The following DGKB variants were observed in gnomAD, a reference collection of about 807,000 sequenced individuals.
The protein encoded by DGKB is 90 kDa diacylglycerol kinase.
A neutral mutation model predicts 114.3 loss-of-function variants in DGKB; 67 were observed. The observed-to-expected ratio is 0.59, with a 90% CI of 0.48 to 0.72. The LOEUF is 0.72. Among genes scored for constraint, DGKB ranks in the 30% least tolerant of loss-of-function variants. The probability of loss-of-function intolerance (pLI) is 0.00; values close to 1 mark genes in which losing one functional copy is unlikely to be tolerated. For missense variants in DGKB, 907 were observed against 975.2 expected, an observed-to-expected ratio of 0.93 and a Z score of 0.93; for synonymous variants, 398 against 323.1, an observed-to-expected ratio of 1.23 and a Z score of -2.49.
intron 4 of DGKB, among the ~76,000 whole-genome samples, chr7:14,740,780 G>A (rs890817814): frequency 6.6e-6 from 1 of 152,172 alleles, no homozygotes; most frequent in African/African-American, 2.4e-5. Flanking sequence ...ACGGGGAAGT[G>A]CGGATAATCC....
intron 23 of DGKB, among the ~76,000 whole-genome samples, chr7:14,283,220 C>T (rs1005223458): frequency 6.6e-6 from 1 of 151,592 alleles, no homozygotes; most frequent in African/African-American, 2.4e-5. Flanking sequence ...ACACCAACCA[C>T]AGACAAACAG....
chr7:14,412,531 G>A (rs950712419), intron 21 of DGKB, among the ~76,000 whole-genome samples: 2 of 152,170 alleles, frequency 1.3e-5, no homozygotes, highest in African/African-American at 2.4e-5. Flanking sequence ...TTTAATAGAT[G>A]AGCCTGAGGC....
intron 21 of DGKB, among the ~76,000 whole-genome samples, chr7:14,415,586 CA>C (rs1454184205): frequency 6.6e-6 from 1 of 151,984 alleles, no homozygotes; most frequent in African/African-American, 2.4e-5. Context: ...CATGTCCCTA[CA>C]AAGGACATGA....
At chr7:14,444,121 G>C (rs372482183) in intron 21 of DGKB, among the ~76,000 whole-genome samples, 15 of 151,668 alleles carry the variant, frequency 9.9e-5, no homozygotes, top group African/African-American at 3.4e-4. Context: ...AAATAAATTG[G>C]TTTTGTAAAC....
intron 23 of DGKB, among the ~76,000 whole-genome samples, chr7:14,246,873 C>T (rs1794557935): frequency 6.6e-6 from 1 of 152,088 alleles, no homozygotes; most frequent in South Asian, 2.1e-4. Flanking sequence ...ATTAACTATA[C>T]TGCTGTATAT....
intron 5 of DGKB, among the ~76,000 whole-genome samples, chr7:14,719,172 T>C (rs1289389680): frequency 6.6e-6 from 1 of 152,212 alleles, no homozygotes; most frequent in Non-Finnish European, 1.5e-5. Context: ...TATTTGCCAA[T>C]ACCATGAAGA....
intron 12 of DGKB, among the ~76,000 whole-genome samples, chr7:14,681,254 A>G (rs1052841563): frequency 2.7e-5 from 4 of 150,676 alleles, no homozygotes; most frequent in African/African-American, 1.0e-4. Flanking sequence ...TATACTAACC[A>G]AACACTTTTA....
In DGKB at chr7:14,164,012, C is replaced by CAA. The variant is rs11288441; in HGVS notation, c.2304+12825_2304+12826dup. On this transcript the variant is annotated intron_variant, in intron 25 of 25. Transcript: ENST00000402815. ...CTCCATCTCAAAAACAAAAAACAAA[C>CAA]AAAAAAAAAAACAAAATAAAAAACC... 4.7e-4 allele frequency among the ~76,000 whole-genome samples: 69 copies of CAA among 146,480 alleles called. No homozygotes were observed. The East Asian group carries it at 7.2e-3, about 15-fold the overall frequency.
At chr7:14,867,487 G>A (rs1851857779) in intron 1 of DGKB, among the ~76,000 whole-genome samples, 1 of 151,454 alleles carries the variant, frequency 6.6e-6, no homozygotes, top group Admixed American at 6.6e-5. Flanking sequence ...TAATGTGGAT[G>A]TTCATTTGTT....
At chr7:14,544,264 T>G (rs960412204) in intron 20 of DGKB, among the ~76,000 whole-genome samples, 1 of 152,260 alleles carries the variant, frequency 6.6e-6, no homozygotes, top group South Asian at 2.1e-4. Flanking sequence ...GATGCAGTTA[T>G]TGGAAATATG....
rs1460208806 is a variant in DGKB, at chr7:14,145,244, C to T, written c.*3887G>A. On this transcript the variant is annotated 3_prime_UTR_variant, in exon 26 of 26. Transcript: ENST00000402815. ...GGGAGTTTTAAGTGGTGATTTCTGC[C>T]TCTCACAAAATAAAAGCTCTTTTAC... The T allele has an allele frequency of 6.6e-6, 1 of 151,840 alleles. No individual in the cohort carries two copies. The highest frequency in any genetic ancestry group is 2.4e-5 in the African/African-American group (1 of 41,350). The allele number at this position is 151,840 out of a possible 1,614,324, so 9.4% of individuals were successfully genotyped here.
At chr7:14,607,128 G>A (rs1207093864) in intron 17 of DGKB, among the ~76,000 whole-genome samples, 1 of 150,750 alleles carries the variant, frequency 6.6e-6, no homozygotes, top group African/African-American at 2.4e-5. Flanking sequence ...TGGTTTGGCA[G>A]TGTTCAAACT....
chr7:14,271,253 T>C (rs1245432539), intron 23 of DGKB, among the ~76,000 whole-genome samples: 1 of 152,166 alleles, frequency 6.6e-6, no homozygotes, highest in African/African-American at 2.4e-5. Context: ...AGAGATAACA[T>C]GAGAAGCAGA....
At chr7:14,702,623 G>C (rs564608154) in intron 6 of DGKB, among the ~76,000 whole-genome samples, 1 of 152,100 alleles carries the variant, frequency 6.6e-6, no homozygotes, top group African/African-American at 2.4e-5. Flanking sequence ...AGAGAAGACA[G>C]ACACAGCTGT....
At chr7:14,477,256 T>C (rs906511418) in intron 21 of DGKB, among the ~76,000 whole-genome samples, 10 of 152,182 alleles carry the variant, frequency 6.6e-5, no homozygotes, top group African/African-American at 2.2e-4. Flanking sequence ...GTGACAAAAC[T>C]GAAATAAATT....
At chr7:14,598,158 A>G (rs951572054) in intron 17 of DGKB, among the ~76,000 whole-genome samples, 20 of 152,182 alleles carry the variant, frequency 1.3e-4, no homozygotes, top group African/African-American at 4.8e-4. Context: ...AACTTTATTT[A>G]GAGTGCATGA....
intron 13 of DGKB, among the ~76,000 whole-genome samples, chr7:14,662,576 G>A (rs962533089): frequency 1.3e-5 from 2 of 151,880 alleles, no homozygotes; most frequent in Non-Finnish European, 2.9e-5. Context: ...GAATTGAAAA[G>A]ATGCTAGACA....
chr7:14,905,710 A>C (rs1205676334), upstream of DGKB, among the ~76,000 whole-genome samples: 2 of 152,174 alleles, frequency 1.3e-5, no homozygotes, highest in Non-Finnish European at 2.9e-5. Flanking sequence ...AGAACCCAAA[A>C]GTTTGCAAAC....
chr7:14,167,690 A>G (rs989635273), intron 25 of DGKB, among the ~76,000 whole-genome samples: 1 of 152,082 alleles, frequency 6.6e-6, no homozygotes, highest in Non-Finnish European at 1.5e-5. Flanking sequence ...TGGATCTTTT[A>G]CAAGTAAGAT....
Sources: allele counts gnomAD v4.1 joint callset (sites outside exome capture counted in the v4.1 genomes callset), GRCh38; gene constraint gnomAD v4.1.1; transcripts MANE v1.5; gene names NCBI Gene and HGNC (gene_info 2026-07-23, HGNC 2026-07-21).